The following ZNF775 variants were observed in gnomAD, a reference collection of about 807,000 sequenced individuals.
ZNF775 encodes the protein zinc finger protein 775.
In ZNF775, 1 loss-of-function variant was observed where a neutral mutation model predicts 2.4. The observed-to-expected ratio is 0.41, with a 90% CI of 0.15 to 1.94. The LOEUF is 1.94. ZNF775 is among the 30% of genes most tolerant of loss of function. The pLI, the probability that ZNF775 is intolerant of heterozygous loss-of-function variation, is 0.30. For missense variants in ZNF775, 823 were observed against 826.6 expected, an observed-to-expected ratio of 1.00 and a Z score of 0.05; for synonymous variants, 381 against 373.3, an observed-to-expected ratio of 1.02 and a Z score of -0.24.
chr7:150,381,671 C>A (rs1298256690), intron 1 of ZNF775, among the ~76,000 whole-genome samples: 1 of 151,782 alleles, frequency 6.6e-6, no homozygotes, highest in Non-Finnish European at 1.5e-5. Flanking sequence ...TGCCTGGGAT[C>A]ATGTGGCTAA....
intron 1 of ZNF775, among the ~76,000 whole-genome samples, chr7:150,386,494 G>A (rs763372708): frequency 6.6e-6 from 1 of 152,092 alleles, no homozygotes; most frequent in African/African-American, 2.4e-5. Context: ...CTGTGTGTGT[G>A]CCCCCAGTGT....
chr7:150,384,903 G>A lies in ZNF775; in HGVS notation c.-49-3519G>A, dbSNP rs2129620901. On this transcript the variant is annotated intron_variant, in intron 1 of 2. Coordinates refer to ENST00000329630, the MANE Select transcript of ZNF775 (RefSeq NM_173680.4). This position sits in a 1 kb window ranked among gnomAD's most constrained non-coding sequence, Gnocchi z 4.1. The stretch of plus-strand genomic sequence containing the variant: ...AGTAGGACTGTCTTTGATTTGCCTT[G>A]GGGGTCTCGCTCTGTGGAGACCCAG... Among the ~76,000 whole-genome samples the A allele has an allele frequency of 6.6e-6, 1 of 152,286 alleles. No homozygotes were observed. Among genetic ancestry groups the A allele is most frequent in the East Asian group, 1.9e-4 (1 of 5,164 alleles).
At chr7:150,396,244 T>C (rs1468049700) in intron 2 of ZNF775, among the ~76,000 whole-genome samples, 1 of 151,882 alleles carries the variant, frequency 6.6e-6, no homozygotes, top group Non-Finnish European at 1.5e-5. Flanking sequence ...TCACTTACGG[T>C]TCCTTTCTTG....
Position 150,382,167 on chromosome 7 carries a change from G to A in ZNF775, c.-50+2775G>A, listed in dbSNP as rs567369700. On this transcript the variant is annotated intron_variant, in intron 1 of 2. Transcript: ENST00000329630. The surrounding 1 kb of genome is among the most constrained non-coding windows in gnomAD (Gnocchi z 4.6). ...CCCTCTTCCTCCTGCATGGTGGAGC[G>A]TGGAGGCTCCTGTGTGGCGCTGGGG... Among the ~76,000 whole-genome samples the A allele has an allele frequency of 1.1e-4, 16 of 152,132 alleles. No individual in the cohort carries two copies. The highest frequency in any genetic ancestry group is 1.5e-4 in the Non-Finnish European group (10 of 68,022).
chr7:150,385,424 G>T (rs574964439), intron 1 of ZNF775, among the ~76,000 whole-genome samples: 2 of 151,900 alleles, frequency 1.3e-5, no homozygotes, highest in South Asian at 4.2e-4. Context: ...GGAGCTCTGA[G>T]CCTGCAATAC....
rs780071265 is a variant in ZNF775, at chr7:150,388,439, C to T, written c.-32C>T. The T allele has an allele frequency of 6.4e-7, 1 of 1,551,650 alleles. No individual in the cohort carries two copies. The highest frequency in any genetic ancestry group is 8.7e-7 in the Non-Finnish European group (1 of 1,146,946). On this transcript the variant is annotated 5_prime_UTR_variant, in exon 2 of 3. Transcript: ENST00000329630. ...TCTGACAGATGGCAGGAAAGGGACA[C>T]AGCCGGCGCTGATGCTGGGAGGCCT...
At chr7:150,390,780 G>A (rs1299701917) in intron 2 of ZNF775, among the ~76,000 whole-genome samples, 2 of 152,198 alleles carry the variant, frequency 1.3e-5, no homozygotes, top group African/African-American at 4.8e-5. Flanking sequence ...ACACTCGTAT[G>A]TCAGTATTTC....
In ZNF775 at chr7:150,396,542, G is replaced by A; in HGVS notation, c.61G>A (p.Glu21Lys). The A allele has an allele frequency of 6.2e-7, 1 of 1,602,744 alleles. No homozygotes were observed. The highest frequency in any genetic ancestry group is 1.1e-5 in the South Asian group (1 of 88,798). Residue 21 changes from glutamate (E) to lysine (K), a missense_variant, in exon 3 of 3, where the codon GAG becomes AAG. Physicochemically the swap from Glu to Lys is moderately conservative, Grantham distance 56. Transcript: ENST00000329630. ...TGGGCTGGTGATGAAGGTCAAGCAGGAGAAGCCGGAGCGGCTGCTGCAGAC... is the reference window on the plus strand; with the variant it reads ...TGGGCTGGTGATGAAGGTCAAGCAGAAGAAGCCGGAGCGGCTGCTGCAGAC... ...GAGLVMKVKQEKPERLLQTLA... is the reference protein window; with the variant it reads ...GAGLVMKVKQKKPERLLQTLA...
intron 2 of ZNF775, among the ~76,000 whole-genome samples, chr7:150,390,051 CTG>C (rs1800534633): frequency 1.3e-5 from 2 of 152,270 alleles, no homozygotes; most frequent in South Asian, 2.1e-4. Flanking sequence ...ACCTGGGAAA[CTG>C]TACTCATGGA....
At chr7:150,381,459 G>A (rs79823235) in intron 1 of ZNF775, among the ~76,000 whole-genome samples, 3 of 151,994 alleles carry the variant, frequency 2.0e-5, no homozygotes, top group South Asian at 2.1e-4. Context: ...AGTGGGGAGC[G>A]GGTGATGGCA....
chr7:150,387,809 CA>C (rs59650697), intron 1 of ZNF775, among the ~76,000 whole-genome samples: 3 of 148,766 alleles, frequency 2.0e-5, no homozygotes, highest in Admixed American at 6.7e-5. Flanking sequence ...GACTCCATCT[CA>C]AAAAAAAAAG....
chr7:150,388,226 G>A (rs1800488503), intron 1 of ZNF775, among the ~76,000 whole-genome samples, 196 bp from the exon 2 acceptor site: 1 of 152,204 alleles, frequency 6.6e-6, no homozygotes, highest in Admixed American at 6.5e-5. Context: ...TTTGTAAAAT[G>A]GGAATTATGG....
intron 2 of ZNF775, among the ~76,000 whole-genome samples, chr7:150,395,227 A>C (rs1800627419): frequency 6.6e-6 from 1 of 152,196 alleles, no homozygotes; most frequent in African/African-American, 2.4e-5. Context: ...ATTTATTTAT[A>C]TAAAGTCCAT....
Position 150,397,455 on chromosome 7 carries a change from C to T in ZNF775, c.974C>T (p.Thr325Met), listed in dbSNP as rs1489144823. 6.3e-7 allele frequency: 1 copy of T among 1,593,074 alleles called. No individual in the cohort carries two copies. Residue 325 changes from threonine (T) to methionine (M), a missense_variant, in exon 3 of 3, where the codon ACG becomes ATG. By Grantham distance (81) the Thr-to-Met change is moderately conservative. Transcript: ENST00000329630. The part of the protein sequence containing the change: ...GRRFSQKPNL[T>M]RHLRNHTGER... ...CGCTTCAGCCAGAAGCCCAACTTGACGCGGCACCTGCGCAACCACACAGGC... is the reference window on the plus strand; with the variant it reads ...CGCTTCAGCCAGAAGCCCAACTTGATGCGGCACCTGCGCAACCACACAGGC...
chr7:150,397,302 G>A lies in ZNF775; in HGVS notation c.821G>A (p.Gly274Glu). ...GARAAVSGPE[G>E]PGEPRQFICN... ...CGGGCCGCGGTCTCCGGCCCCGAGG[G>A]GCCGGGCGAGCCGCGCCAGTTCATC... The change falls in exon 3 of 3, where the codon GGG becomes GAG. Residue 274 changes from glycine to glutamate, a missense_variant. Physicochemically the swap from Gly to Glu is moderately conservative, Grantham distance 98 (BLOSUM62 -2). Coordinates refer to ENST00000329630, the MANE Select transcript of ZNF775 (RefSeq NM_173680.4). 1 of 1,567,896 alleles carries A rather than the reference G, an allele frequency of 6.4e-7. No homozygotes were observed. The highest frequency in any genetic ancestry group is 8.6e-7 in the Non-Finnish European group (1 of 1,162,414).
In ZNF775 at chr7:150,396,431, T is replaced by G; in HGVS notation, c.32-82T>G. The stretch of plus-strand genomic sequence containing the variant: ...TCTCTGCCCTCCTGCACCACTTCCC[T>G]CTCTCTTGCTCCTTCTCTCCATCCC... On this transcript the variant is annotated intron_variant, in intron 2 of 2. Coordinates refer to ENST00000329630, the MANE Select transcript of ZNF775 (RefSeq NM_173680.4). 3 of 1,459,554 alleles carry G rather than the reference T, an allele frequency of 2.1e-6. No individual in the cohort carries two copies. In the South Asian group the frequency reaches 4.3e-5, roughly 21 times the overall value. 90.4% of individuals were successfully genotyped at this position (1,459,554 alleles called of 1,614,324 possible).
At position 150,397,292 on chromosome 7, in the gene ZNF775, G is replaced by A. The variant is rs763061517; in HGVS notation, c.811G>A (p.Gly271Ser). 46 of 1,541,792 alleles carry A rather than the reference G, an allele frequency of 3.0e-5. No homozygotes were observed. The highest frequency in any genetic ancestry group is 3.7e-5 in the Non-Finnish European group (43 of 1,149,586). Residue 271 changes from glycine to serine, a missense_variant, in exon 3 of 3, where the codon GGC becomes AGC. Coordinates refer to ENST00000329630, the MANE Select transcript of ZNF775 (RefSeq NM_173680.4). ...GCCCGGGGCCCGGGCCGCGGTCTCC[G>A]GCCCCGAGGGGCCGGGCGAGCCGCG... ...GQPGARAAVS[G>S]PEGPGEPRQF...
At position 150,397,025 on chromosome 7, in the gene ZNF775, C is replaced by T; in HGVS notation, c.544C>T (p.Gln182Ter). Residue 182 changes from glutamine to a stop codon, truncating the protein, a stop_gained, in exon 3 of 3, where the codon CAG becomes TAG. Transcript: ENST00000329630. LOFTEE classifies it low-confidence loss of function (END_TRUNC). ...FSQKQHLLKH[Q>*]KTHSRPATHS... ...CCAGAAGCAGCACCTGCTCAAGCACCAGAAGACCCACTCCCGGCCCGCCAC... is the reference window on the plus strand; with the variant it reads ...CCAGAAGCAGCACCTGCTCAAGCACTAGAAGACCCACTCCCGGCCCGCCAC... 6.3e-7 allele frequency: 1 copy of T among 1,598,980 alleles called. No individual in the cohort carries two copies. The highest frequency in any genetic ancestry group is 8.5e-7 in the Non-Finnish European group (1 of 1,178,810).
intron 2 of ZNF775, among the ~76,000 whole-genome samples, chr7:150,390,548 A>G (rs965312628): frequency 2.0e-5 from 3 of 152,244 alleles, no homozygotes; most frequent in African/African-American, 7.2e-5. Flanking sequence ...TTATGAATTC[A>G]ATCAGATGAT....
Sources: allele counts gnomAD v4.1 joint callset (sites outside exome capture counted in the v4.1 genomes callset), GRCh38; gene constraint gnomAD v4.1.1; non-coding constraint Gnocchi (gnomAD v3.1); transcripts MANE v1.5; gene names NCBI Gene and HGNC (gene_info 2026-07-23, HGNC 2026-07-21).